SNTG1: variants seen among roughly 807,000 people sequenced by gnomAD.
SNTG1 encodes the protein syntrophin gamma 1.
In SNTG1, 39 loss-of-function variants were observed where a neutral mutation model predicts 74.7. That is an observed-to-expected ratio of 0.52 (90% CI 0.40 to 0.68). The LOEUF (loss-of-function observed/expected upper bound fraction) is 0.68, where lower values mean the gene tolerates loss of function less well. SNTG1 is among the 30% of genes least tolerant of loss of function. SNTG1 has a pLI of 0.00. For missense variants in SNTG1, 685 were observed against 609.5 expected (o/e 1.12, Z -1.30); for synonymous variants, 254 against 217.1 (o/e 1.17, Z -1.49).
At chr8:50,462,759 A>C (rs2093575262) in intron 8 of SNTG1, among the ~76,000 whole-genome samples, 1 of 129,938 alleles carries the variant, frequency 7.7e-6, no homozygotes. Context: ...TGTTTTCATG[A>C]CGTGGCAGCA....
chr8:50,695,214 C>T lies in SNTG1; in HGVS notation c.1039-9386C>T, dbSNP rs188271814. On this transcript the variant is annotated intron_variant, in intron 15 of 18. Coordinates refer to ENST00000642720, the MANE Select transcript of SNTG1 (RefSeq NM_018967.5). ...CAAGATCCCCCCACTCACACACACA[C>T]ACAAAAAAAACCGTTAAAAATAGAA... 2.8e-4 allele frequency among the ~76,000 whole-genome samples: 42 copies of T among 151,366 alleles called. No individual in the cohort carries two copies. The East Asian group carries it at 6.4e-3, about 23-fold the overall frequency.
At chr8:50,690,053 T>A (rs2095370847) in intron 15 of SNTG1, among the ~76,000 whole-genome samples, 1 of 152,246 alleles carries the variant, frequency 6.6e-6, no homozygotes, top group Non-Finnish European at 1.5e-5. Flanking sequence ...TTTGTAGTAT[T>A]CTCTGATGGT....
At chr8:50,176,988 C>T (rs2083022750) in intron 2 of SNTG1, among the ~76,000 whole-genome samples, 1 of 152,000 alleles carries the variant, frequency 6.6e-6, no homozygotes, top group South Asian at 2.1e-4. Context: ...GGGACTGTGC[C>T]GTGCAGGTAA....
At chr8:49,938,721 G>C (rs1452329455) in intron 1 of SNTG1, among the ~76,000 whole-genome samples, 1 of 134,084 alleles carries the variant, frequency 7.5e-6, no homozygotes, top group Non-Finnish European at 1.6e-5. Flanking sequence ...TTGTTTCTTG[G>C]ACTTCATAAC....
chr8:50,313,025 C>T (rs938131232), intron 2 of SNTG1, among the ~76,000 whole-genome samples: 1 of 149,476 alleles, frequency 6.7e-6, no homozygotes, highest in Non-Finnish European at 1.5e-5. Flanking sequence ...CATCAAAATT[C>T]CATGGTAATC....
chr8:50,180,210 A>T (rs548881120), intron 2 of SNTG1, among the ~76,000 whole-genome samples: 13 of 152,322 alleles, frequency 8.5e-5, no homozygotes, highest in African/African-American at 2.9e-4. Flanking sequence ...TTTCACTTAT[A>T]TGTGGAATCT....
chr8:50,209,521 G>A (rs1274697290), intron 2 of SNTG1, among the ~76,000 whole-genome samples: 1 of 152,158 alleles, frequency 6.6e-6, no homozygotes, highest in Non-Finnish European at 1.5e-5. Context: ...CTGAGATGAA[G>A]CCTCCAGGGG....
At chr8:50,537,467 A>G (rs1304340063) in intron 11 of SNTG1, among the ~76,000 whole-genome samples, 6 of 152,162 alleles carry the variant, frequency 3.9e-5, no homozygotes, top group African/African-American at 1.4e-4. Context: ...TAGTAAGTGT[A>G]AGATAAGTAG....
chr8:50,709,570 C>CA (rs2095455838), intron 17 of SNTG1, among the ~76,000 whole-genome samples: 1 of 152,096 alleles, frequency 6.6e-6, no homozygotes, highest in Admixed American at 6.6e-5. Context: ...GGTGCCTACT[C>CA]AGCCAGTCAT....
chr8:50,458,518 A>G (rs1357982116), intron 8 of SNTG1, among the ~76,000 whole-genome samples: 1 of 152,182 alleles, frequency 6.6e-6, no homozygotes, highest in Non-Finnish European at 1.5e-5. Flanking sequence ...GAATTCAGAA[A>G]TAAAATATTA....
chr8:50,354,522 TTTC>T (rs2091763794), intron 2 of SNTG1, among the ~76,000 whole-genome samples: 1 of 152,216 alleles, frequency 6.6e-6, no homozygotes, highest in Non-Finnish European at 1.5e-5. Context: ...TTATGTATTG[TTTC>T]ATGTTGCCCT....
At chr8:50,499,598 A>T (rs1447928126) in intron 8 of SNTG1, among the ~76,000 whole-genome samples, 1 of 150,666 alleles carries the variant, frequency 6.6e-6, no homozygotes, top group Non-Finnish European at 1.5e-5. Context: ...ACACTCTTTT[A>T]TTTTTTCTAA....
chr8:50,771,157 A>G (rs1347668769), intron 18 of SNTG1, among the ~76,000 whole-genome samples: 1 of 152,074 alleles, frequency 6.6e-6, no homozygotes, highest in East Asian at 1.9e-4. Flanking sequence ...GGAGGAGACT[A>G]GAAAAAGCCT....
rs190143097 is a variant in SNTG1 at position 50,248,190 on chromosome 8, G to A, written c.-28+75555G>A. Among the ~76,000 whole-genome samples the A allele has an allele frequency of 8.2e-4, 125 of 152,224 alleles. 1 individual carries two copies. Among genetic ancestry groups the A allele is most frequent in the African/African-American group, 2.9e-3 (122 of 41,534 alleles). ...TATAAGCTCAGATTCTAAGGAACGA[G>A]GAGTTAGGACTTCAACATTTGCATA... On this transcript the variant is annotated intron_variant, in intron 2 of 18. Coordinates refer to ENST00000642720, the MANE Select transcript of SNTG1 (RefSeq NM_018967.5).
At chr8:50,194,558 T>G (rs1020860266) in intron 2 of SNTG1, among the ~76,000 whole-genome samples, 1 of 152,138 alleles carries the variant, frequency 6.6e-6, no homozygotes, top group Admixed American at 6.6e-5. Context: ...TTTTCTCTCT[T>G]CTTTTCTTGG....
chr8:50,004,279 C>T (rs1815011197), intron 1 of SNTG1, among the ~76,000 whole-genome samples: 1 of 152,156 alleles, frequency 6.6e-6, no homozygotes, highest in African/African-American at 2.4e-5. Context: ...TTCCAACTCA[C>T]TTCACATAAA....
At chr8:50,772,949 T>C (rs1172700594) in intron 18 of SNTG1, among the ~76,000 whole-genome samples, 3 of 152,110 alleles carry the variant, frequency 2.0e-5, no homozygotes, top group African/African-American at 7.2e-5. Context: ...ACTTTCCCTT[T>C]CTGCCATGAG....
intron 2 of SNTG1, among the ~76,000 whole-genome samples, chr8:50,342,152 A>C (rs1318887318): frequency 6.6e-6 from 1 of 152,208 alleles, no homozygotes; most frequent in African/African-American, 2.4e-5. Flanking sequence ...GACCTGTATA[A>C]AAGGCAATTT....
intron 2 of SNTG1, among the ~76,000 whole-genome samples, chr8:50,311,882 A>T (rs2090128209): frequency 6.6e-6 from 1 of 152,176 alleles, no homozygotes; most frequent in Admixed American, 6.5e-5. Flanking sequence ...TAGTCTTTGC[A>T]TTTAATTTCT....
Sources: gnomAD v4.1 joint callset for allele counts (sites outside exome capture counted in the v4.1 genomes callset) on GRCh38, gnomAD v4.1.1 for gene constraint, MANE v1.5 for transcripts, NCBI Gene and HGNC (gene_info 2026-07-23, HGNC 2026-07-21) for gene names.